LRRC7: variants seen among roughly 807,000 people sequenced by gnomAD.
LRRC7 encodes the protein leucine rich repeat containing 7.
Under a neutral mutation model 175.7 loss-of-function variants are expected in LRRC7, and 23 were observed. The observed-to-expected ratio is 0.13, with a 90% confidence interval of 0.09 to 0.19. The LOEUF is 0.19. Among genes scored for constraint, LRRC7 ranks in the 10% least tolerant of loss-of-function variants. The pLI, the probability that LRRC7 is intolerant of heterozygous loss-of-function variation, is 1.00. For missense variants in LRRC7, 1,354 were observed against 1,904.7 expected, an observed-to-expected ratio of 0.71 and a Z score of 5.38; for synonymous variants, 685 against 680.9, an observed-to-expected ratio of 1.01 and a Z score of -0.09.
At chr1:70,019,868 TATA>T (rs1239497450) in intron 15 of LRRC7, among the ~76,000 whole-genome samples, 7 of 152,038 alleles carry the variant, frequency 4.6e-5, no homozygotes, top group Admixed American at 2.0e-4. Context: ...CAGCTTTACT[TATA>T]TTTTCATTTT....
Position 70,073,912 on chromosome 1 carries a change from C to T in LRRC7, c.4231-2165C>T, listed in dbSNP as rs956359969. Among the ~76,000 whole-genome samples the T allele has an allele frequency of 9.8e-5, 15 of 152,318 alleles. 1 individual carries two copies. Among genetic ancestry groups the T allele is most frequent in the South Asian group, 8.3e-4 (4 of 4,820 alleles). On this transcript the variant is annotated intron_variant, in intron 23 of 26. Coordinates refer to ENST00000651989, the MANE Select transcript of LRRC7 (RefSeq NM_001370785.2). ...GCCAGTGAGTTCATTCAGAATACAG[C>T]GGCACAGGCCAGGCACTGTGGCTCC...
chr1:69,792,713 C>T (rs1311546339), intron 4 of LRRC7, among the ~76,000 whole-genome samples: 1 of 152,018 alleles, frequency 6.6e-6, no homozygotes, highest in Non-Finnish European at 1.5e-5. Flanking sequence ...GTGTCCCAAA[C>T]ATCTAGAGCA....
At chr1:70,036,399 T>C (rs781255340) in intron 19 of LRRC7, 45 bp from the exon 20 acceptor site, 28 of 1,546,556 alleles carry the variant, frequency 1.8e-5, no homozygotes, top group Non-Finnish European at 2.3e-5. Context: ...TTCCGTGTAA[T>C]TGTCAGTGTC....
chr1:69,876,053 G>T (rs1249112446), intron 7 of LRRC7, among the ~76,000 whole-genome samples: 1 of 151,980 alleles, frequency 6.6e-6, no homozygotes, highest in Non-Finnish European at 1.5e-5. Context: ...TCATTTTATT[G>T]GCATCTCATG....
intron 1 of LRRC7, among the ~76,000 whole-genome samples, chr1:69,626,384 T>TA (rs10546011): frequency 0.14 from 17,968 of 129,920 alleles, 1,333 homozygotes; most frequent in East Asian, 0.28. Flanking sequence ...ACTTAGAATC[T>TA]AAAAAAAAAA....
Position 69,781,688 on chromosome 1 carries a change from G to GAAAGAAAGAAAGAAAGAAAGAAAGA in LRRC7, c.304-10353_304-10352insAGAAAGAAAGAAAGAAAGAAAGAAA, listed in dbSNP as rs112404404. Among the ~76,000 whole-genome samples, 3 of 43,952 alleles carry GAAAGAAAGAAAGAAAGAAAGAAAGA rather than the reference G, an allele frequency of 6.8e-5. 1 individual carries two copies. The highest frequency in any genetic ancestry group is 1.2e-4 in the Non-Finnish European group (3 of 25,134). The allele number at this position is 43,952 out of a possible 152,430, so 28.8% of individuals were successfully genotyped here. A position where few individuals can be genotyped will look rare whatever the true frequency, so the allele number is the denominator to read the frequency against. ...CAGAGCAAGACTGTCTCAAAAAAAA[G>GAAAGAAAGAAAGAAAGAAAGAAAGA]AAGAAAGAAAGAAAGAAAGAAAGAA... On this transcript the variant is annotated intron_variant, in intron 3 of 26. Transcript: ENST00000651989.
intron 7 of LRRC7, among the ~76,000 whole-genome samples, chr1:69,864,397 T>G (rs1684690995): frequency 6.6e-6 from 1 of 152,130 alleles, no homozygotes; most frequent in Non-Finnish European, 1.5e-5. Context: ...AAAACAAAAG[T>G]CTATAATGAT....
intron 1 of LRRC7, among the ~76,000 whole-genome samples, chr1:69,592,462 T>C (rs1646676516): frequency 6.6e-6 from 1 of 152,110 alleles, no homozygotes; most frequent in Non-Finnish European, 1.5e-5. Flanking sequence ...AATATTTTCA[T>C]AACTTTTAAG....
chr1:69,803,286 G>A (rs1025370171), intron 4 of LRRC7, among the ~76,000 whole-genome samples: 1 of 151,312 alleles, frequency 6.6e-6, no homozygotes, highest in Admixed American at 6.6e-5. Context: ...ACTTGTTGAG[G>A]TACATAATCT....
intron 1 of LRRC7, among the ~76,000 whole-genome samples, chr1:69,646,508 T>C (rs538085896): frequency 6.6e-6 from 1 of 152,308 alleles, no homozygotes; most frequent in East Asian, 1.9e-4. Flanking sequence ...TAATCAAAGT[T>C]AAATGTTGAC....
chr1:70,036,802 C>A (rs978984583), intron 20 of LRRC7, among the ~76,000 whole-genome samples, 178 bp downstream of exon 20: 2 of 152,048 alleles, frequency 1.3e-5, no homozygotes, highest in African/African-American at 4.8e-5. Context: ...ATCCACCTTA[C>A]AGGGAGAGGC....
intron 12 of LRRC7, 41 bp downstream of exon 12, chr1:70,011,967 A>C: frequency 2.0e-6 from 3 of 1,483,632 alleles, no homozygotes; most frequent in Non-Finnish European, 1.9e-6. Flanking sequence ...ACTTTTAATT[A>C]ATCTGTTTTG....
In LRRC7 at chr1:69,636,529, T is replaced by C. The variant is rs534505602; in HGVS notation, c.3-41852T>C. Among the ~76,000 whole-genome samples, 6 of 152,074 alleles carry C rather than the reference T, an allele frequency of 3.9e-5. No individual in the cohort carries two copies. In the South Asian group the frequency reaches 1.0e-3, roughly 26 times the overall value. On this transcript the variant is annotated intron_variant, in intron 1 of 26. Transcript: ENST00000651989. Reference sequence around the variant, plus strand: ...CACCTTCTGTAATCTTGTAATCATTTTTTTTCTTATTATGGCTGTTCAGAA... The same window carrying C: ...CACCTTCTGTAATCTTGTAATCATTCTTTTTCTTATTATGGCTGTTCAGAA...
chr1:69,816,230 A>G (rs1417070187), intron 4 of LRRC7, among the ~76,000 whole-genome samples: 2 of 152,098 alleles, frequency 1.3e-5, no homozygotes, highest in African/African-American at 4.8e-5. Flanking sequence ...CGCCCGCCTC[A>G]GCCTCCTAAA....
intron 11 of LRRC7, 23 bp from the exon 12 acceptor site, chr1:70,011,773 TA>T: frequency 6.7e-7 from 1 of 1,501,472 alleles, no homozygotes; most frequent in Non-Finnish European, 9.2e-7. Context: ...TTAAAATGTC[TA>T]ACTAATGTAT....
At chr1:69,723,996 G>A (rs1208514386) in intron 2 of LRRC7, among the ~76,000 whole-genome samples, 8 of 152,126 alleles carry the variant, frequency 5.3e-5, no homozygotes, top group Non-Finnish European at 1.0e-4. Context: ...ACTGCAAGTA[G>A]GACTCAAGGC....
At chr1:69,913,154 A>G (rs1178597174) in intron 7 of LRRC7, among the ~76,000 whole-genome samples, 2 of 152,232 alleles carry the variant, frequency 1.3e-5, no homozygotes, top group African/African-American at 4.8e-5. Context: ...AATAATTTAA[A>G]TATTGCAAGG....
intron 7 of LRRC7, among the ~76,000 whole-genome samples, chr1:69,861,803 GC>G (rs1684386782): frequency 6.6e-6 from 1 of 152,092 alleles, no homozygotes; most frequent in African/African-American, 2.4e-5. Context: ...CTTATACCCC[GC>G]AGTGTCTGTG....
intron 8 of LRRC7, among the ~76,000 whole-genome samples, chr1:69,935,945 T>C (rs1324946749): frequency 2.0e-5 from 3 of 152,176 alleles, no homozygotes; most frequent in Admixed American, 2.0e-4. Context: ...GAAGGTTTAA[T>C]TTTTTCATAA....
Sources: gnomAD v4.1 joint callset for allele counts (sites outside exome capture counted in the v4.1 genomes callset) on GRCh38, gnomAD v4.1.1 for gene constraint, MANE v1.5 for transcripts, NCBI Gene and HGNC (gene_info 2026-07-23, HGNC 2026-07-21) for gene names.